The following BCAT1 variants were observed in gnomAD, a reference collection of about 807,000 sequenced individuals.
BCAT1 encodes branched-chain-amino-acid aminotransferase, cytosolic.
BCAT1 carries 48 observed loss-of-function variants against 52.4 expected under a neutral mutation model. The ratio of observed to expected loss-of-function variants is 0.92; its 90% CI spans 0.73 to 1.16. The LOEUF (loss-of-function observed/expected upper bound fraction) is 1.16. BCAT1 is among the 50% of genes most tolerant of loss of function. The pLI is 0.00. For synonymous variants in BCAT1, 167 were observed against 161.3 expected (o/e 1.04, Z -0.27); for missense variants, 451 against 457.1 (o/e 0.99, Z 0.12).
intron 5 of BCAT1, among the ~76,000 whole-genome samples, chr12:24,862,861 T>G (rs1941886934): frequency 6.6e-6 from 1 of 152,218 alleles, no homozygotes; most frequent in Non-Finnish European, 1.5e-5. Context: ...ACATTTTGCA[T>G]TGACTGACAC....
intron 1 of BCAT1, among the ~76,000 whole-genome samples, chr12:24,917,482 G>A (rs922398123): frequency 6.6e-6 from 1 of 152,108 alleles, no homozygotes; most frequent in Non-Finnish European, 1.5e-5. Flanking sequence ...GCGCCCAGAC[G>A]AGTTTTGGAT....
At chr12:24,908,529 TCAGGAGTTCAAGA>T (rs2139697107) in intron 1 of BCAT1, among the ~76,000 whole-genome samples, 1 of 152,248 alleles carries the variant, frequency 6.6e-6, no homozygotes, top group South Asian at 2.1e-4. Context: ...TCACTTGAGC[TCAGGAGTTCAAGA>T]CCAGCCTGGG....
At chr12:24,862,082 T>C (rs1422572759) in intron 5 of BCAT1, among the ~76,000 whole-genome samples, 7 of 152,134 alleles carry the variant, frequency 4.6e-5, no homozygotes, top group Non-Finnish European at 7.4e-5. Context: ...AATTCATGAA[T>C]AATCCACCCC....
intron 1 of BCAT1, chr12:24,902,811 G>T (rs1374790165): frequency 4.7e-6 from 6 of 1,269,292 alleles, no homozygotes; most frequent in African/African-American, 1.6e-5. Flanking sequence ...AAGACGCCTC[G>T]CTGGAGGCGG....
chr12:24,875,501 G>A (rs1225478369), intron 5 of BCAT1, among the ~76,000 whole-genome samples: 1 of 152,152 alleles, frequency 6.6e-6, no homozygotes, highest in Non-Finnish European at 1.5e-5. Flanking sequence ...AACTTAGGAA[G>A]TAGATTTTTA....
intron 1 of BCAT1, among the ~76,000 whole-genome samples, chr12:24,921,992 TACAC>T (rs1175157192): frequency 6.6e-6 from 1 of 152,110 alleles, no homozygotes; most frequent in East Asian, 1.9e-4. Context: ...CATACACACA[TACAC>T]ACACACATAC....
chr12:24,834,117 T>C, intron 8 of BCAT1: 1 of 977,070 alleles, frequency 1.0e-6, no homozygotes. Context: ...TGAGCCACTG[T>C]GCACGGCTTA....
At chr12:24,939,482 G>T (rs943749935) in intron 1 of BCAT1, among the ~76,000 whole-genome samples, 3 of 152,114 alleles carry the variant, frequency 2.0e-5, no homozygotes, top group African/African-American at 7.2e-5. Context: ...TTTTCAATTA[G>T]TTAAATTAAA....
chr12:24,841,781 C>T (rs538428096), intron 7 of BCAT1, among the ~76,000 whole-genome samples: 2 of 151,958 alleles, frequency 1.3e-5, no homozygotes, highest in Non-Finnish European at 2.9e-5. Flanking sequence ...TGGTGGCAGG[C>T]TCCTGCAATC....
At chr12:24,857,915 C>T (rs1392736721) in intron 5 of BCAT1, among the ~76,000 whole-genome samples, 3 of 152,138 alleles carry the variant, frequency 2.0e-5, no homozygotes, top group Admixed American at 2.0e-4. Flanking sequence ...ACTCTGTGCA[C>T]GTTTGGATCA....
At chr12:24,820,388 A>T (rs905919939) in intron 10 of BCAT1, among the ~76,000 whole-genome samples, 2 of 152,236 alleles carry the variant, frequency 1.3e-5, no homozygotes, top group Non-Finnish European at 1.5e-5. Flanking sequence ...TTCAAGGGAA[A>T]ATAATTCTAA....
At chr12:24,922,452 A>T (rs1778111810) in intron 1 of BCAT1, among the ~76,000 whole-genome samples, 1 of 152,228 alleles carries the variant, frequency 6.6e-6, no homozygotes, top group Non-Finnish European at 1.5e-5. Context: ...TACTTAAAAC[A>T]ACCCTATAAG....
chr12:24,915,898 CT>C (rs1214094555), intron 1 of BCAT1, among the ~76,000 whole-genome samples: 2 of 152,234 alleles, frequency 1.3e-5, no homozygotes, highest in Admixed American at 1.3e-4. Flanking sequence ...TGGCTCACGC[CT>C]GTAATCCCAG....
chr12:24,829,365 C>T (rs1429661831), intron 10 of BCAT1, among the ~76,000 whole-genome samples: 1 of 152,130 alleles, frequency 6.6e-6, no homozygotes, highest in Non-Finnish European at 1.5e-5. Context: ...GCCTGGGCAA[C>T]AAGAGTGAAA....
At chr12:24,851,613 T>C (rs1941512804) in intron 5 of BCAT1, among the ~76,000 whole-genome samples, 1 of 152,256 alleles carries the variant, frequency 6.6e-6, no homozygotes, top group Non-Finnish European at 1.5e-5. Flanking sequence ...TGGAAGACTA[T>C]GTTAGAGAAA....
At chr12:24,899,395 G>T (rs1257920966) in intron 2 of BCAT1, among the ~76,000 whole-genome samples, 2 of 151,972 alleles carry the variant, frequency 1.3e-5, no homozygotes, top group African/African-American at 4.8e-5. Context: ...TGCTGATGAG[G>T]ATACAGAGAA....
At chr12:24,841,172 CA>C (rs1941163040) in intron 7 of BCAT1, among the ~76,000 whole-genome samples, 1 of 152,014 alleles carries the variant, frequency 6.6e-6, no homozygotes, top group African/African-American at 2.4e-5. Context: ...TTGAATGAAC[CA>C]GGATCTAGTT....
At chr12:24,829,229 C>T (rs555526329) in intron 10 of BCAT1, among the ~76,000 whole-genome samples, 89 of 150,136 alleles carry the variant, frequency 5.9e-4, no homozygotes, top group Non-Finnish European at 1.1e-3. Flanking sequence ...ACTAAAAACA[C>T]AAAAATTAGC....
At chr12:24,819,657 A>G (rs907139222) in intron 10 of BCAT1, among the ~76,000 whole-genome samples, 3 of 152,166 alleles carry the variant, frequency 2.0e-5, no homozygotes, top group South Asian at 2.1e-4. Context: ...TCTTTCTCCT[A>G]TATCACAATG....
Sources: allele counts gnomAD v4.1 joint callset (sites outside exome capture counted in the v4.1 genomes callset), GRCh38; gene constraint gnomAD v4.1.1; transcripts MANE v1.5; gene names NCBI Gene and HGNC (gene_info 2026-07-23, HGNC 2026-07-21).